ZC3H12B: variants seen among roughly 807,000 people sequenced by gnomAD.
The protein encoded by ZC3H12B is zinc finger CCCH-type containing 12B, also known as probable ribonuclease ZC3H12B.
Under a neutral mutation model 43.9 loss-of-function variants are expected in ZC3H12B, and 7 were observed. That is an observed-to-expected ratio of 0.16 (90% CI 0.09 to 0.30). The LOEUF (loss-of-function observed/expected upper bound fraction) is 0.30, where lower values mean the gene tolerates loss of function less well. Ranked by LOEUF, ZC3H12B falls within the 10% of genes least tolerant of loss-of-function variation. The pLI is 1.00. For synonymous variants in ZC3H12B, 222 were observed against 241.7 expected (o/e 0.92, Z 0.76); for missense variants, 475 against 670.2 (o/e 0.71, Z 3.22).
At chrX:65,240,831 G>C in the ZC3H12B span, among the ~76,000 whole-genome samples, 2 of 111,777 alleles carry the variant, frequency 1.8e-5, no homozygotes, top group Admixed American at 1.9e-4. Context: ...TTCCTATAGG[G>C]CTCTTGTGTT....
the ZC3H12B span, among the ~76,000 whole-genome samples, chrX:65,193,035 G>A: frequency 7.3e-5 from 8 of 110,097 alleles, no homozygotes; most frequent in East Asian, 2.0e-3. Flanking sequence ...GCCTCCCAAT[G>A]TGCTGGGATT....
At chrX:65,124,768 C>T in the ZC3H12B span, among the ~76,000 whole-genome samples, 6 of 110,607 alleles carry the variant, frequency 5.4e-5, 1 homozygote, top group African/African-American at 2.0e-4. Flanking sequence ...CTAGTATTTG[C>T]ATGTAAAGGT....
chrX:65,137,851 C>T, the ZC3H12B span, among the ~76,000 whole-genome samples: 6 of 112,590 alleles, frequency 5.3e-5, no homozygotes, highest in South Asian at 3.6e-4. Flanking sequence ...CTTTTTGAGA[C>T]GGAGTCTCGC....
chrX:65,055,965 G>T, the ZC3H12B span, among the ~76,000 whole-genome samples: 1 of 111,430 alleles, frequency 9.0e-6, no homozygotes, highest in East Asian at 2.8e-4. Flanking sequence ...GCATGTGTTT[G>T]ATTCTACTCT....
At chrX:65,482,786 C>T in intron 3 of ZC3H12B, among the ~76,000 whole-genome samples, 1 of 111,868 alleles carries the variant, frequency 8.9e-6, no homozygotes, top group Non-Finnish European at 1.9e-5. Flanking sequence ...GAACACGTGA[C>T]TGTGGAAGGT....
the ZC3H12B span, among the ~76,000 whole-genome samples, chrX:65,090,600 C>T: frequency 1.2e-4 from 13 of 111,417 alleles, no homozygotes; most frequent in Non-Finnish European, 3.8e-5. Context: ...TGGTTGGCTC[C>T]AGAAGATACC....
the ZC3H12B span, among the ~76,000 whole-genome samples, chrX:65,245,532 T>C: frequency 3.6e-5 from 4 of 111,989 alleles, no homozygotes; most frequent in East Asian, 1.1e-3. Flanking sequence ...CAAGGTTGGG[T>C]CTACATATGC....
chrX:65,337,126 C>A, the ZC3H12B span, among the ~76,000 whole-genome samples: 6 of 111,406 alleles, frequency 5.4e-5, no homozygotes, highest in African/African-American at 1.3e-4. Context: ...GACTCCAACT[C>A]CTCTAAGTTG....
At chrX:65,240,743 G>A in the ZC3H12B span, among the ~76,000 whole-genome samples, 4 of 112,239 alleles carry the variant, frequency 3.6e-5, no homozygotes, top group Admixed American at 3.8e-4. Flanking sequence ...ACCTATGAAT[G>A]GGATATTTGT....
the ZC3H12B span, among the ~76,000 whole-genome samples, chrX:65,124,855 C>G: frequency 9.0e-6 from 1 of 110,534 alleles, no homozygotes; most frequent in Non-Finnish European, 1.9e-5. Context: ...ATCTTATTGA[C>G]CTTATTTGGA....
chrX:65,299,294 C>T, the ZC3H12B span, among the ~76,000 whole-genome samples: 13 of 111,223 alleles, frequency 1.2e-4, no homozygotes, highest in Admixed American at 3.8e-4. Flanking sequence ...TTTGTGAGGC[C>T]GTCATTACTA....
chrX:65,381,881 A>G (rs773311714), intron 2 of ZC3H12B, among the ~76,000 whole-genome samples: 29 of 111,823 alleles, frequency 2.6e-4, no homozygotes, highest in Non-Finnish European at 4.7e-4. Context: ...CTCGACACAT[A>G]CACTCTCCCA....
At chrX:65,388,515 C>T (rs931986277) in intron 2 of ZC3H12B, among the ~76,000 whole-genome samples, 6 of 111,738 alleles carry the variant, frequency 5.4e-5, no homozygotes, top group Non-Finnish European at 1.1e-4. Flanking sequence ...GACTTCTCTG[C>T]ATTGGTTATT....
the ZC3H12B span, among the ~76,000 whole-genome samples, chrX:65,117,265 G>A: frequency 8.9e-6 from 1 of 112,011 alleles, no homozygotes; most frequent in South Asian, 3.7e-4. Context: ...ACTGGTGTGA[G>A]ATGGTATCTC....
the ZC3H12B span, among the ~76,000 whole-genome samples, chrX:65,342,476 C>T: frequency 6.3e-5 from 7 of 111,991 alleles, no homozygotes; most frequent in Middle Eastern, 9.1e-3. Context: ...GAACACAGCA[C>T]AATATAATTA....
the ZC3H12B span, among the ~76,000 whole-genome samples, chrX:65,156,728 C>T: frequency 9.0e-6 from 1 of 110,632 alleles, no homozygotes; most frequent in South Asian, 3.8e-4. Context: ...GTTGCCCAGG[C>T]TGATCTCTAA....
At chrX:65,232,797 T>C in the ZC3H12B span, among the ~76,000 whole-genome samples, 6 of 107,455 alleles carry the variant, frequency 5.6e-5, no homozygotes, top group African/African-American at 2.0e-4. Flanking sequence ...AGACATAGAG[T>C]GGCTGAATGG....
chrX:65,497,283 A>G lies in ZC3H12B; in HGVS notation c.748+12A>G. ...TGCACCAATTACAGGTATTGTGTCA[A>G]ATAAGACATTTCTTCTCATCTAGAG... On this transcript the variant is annotated intron_variant, in intron 2 of 4. Coordinates refer to ENST00000338957, the Ensembl canonical transcript of ZC3H12B. The G allele has an allele frequency of 1.7e-6, 2 of 1,192,948 alleles. No individual in the cohort carries two copies. The highest frequency in any genetic ancestry group is 2.3e-6 in the Non-Finnish European group (2 of 885,984).
the ZC3H12B span, among the ~76,000 whole-genome samples, chrX:65,284,403 G>C: frequency 9.0e-6 from 1 of 111,663 alleles, no homozygotes; most frequent in Non-Finnish European, 1.9e-5. Context: ...CAGTGAGATA[G>C]AGGGAATTTT....
Sources: allele counts gnomAD v4.1 joint callset (sites outside exome capture counted in the v4.1 genomes callset), GRCh38; gene constraint gnomAD v4.1.1; transcripts MANE v1.5; gene names NCBI Gene and HGNC (gene_info 2026-07-23, HGNC 2026-07-21).